Variants in UNC5D observed in about 807,000 individuals in gnomAD.
The protein encoded by UNC5D is netrin receptor UNC5D.
In UNC5D, 39 loss-of-function variants were observed where a neutral mutation model predicts 105.4. The observed-to-expected ratio is 0.37, with a 90% confidence interval of 0.29 to 0.48. The LOEUF is 0.48. Ranked by LOEUF, UNC5D falls within the 20% of genes least tolerant of loss-of-function variation. The probability of loss-of-function intolerance (pLI) is 0.98; values close to 1 mark genes in which losing one functional copy is unlikely to be tolerated. For synonymous variants in UNC5D, 452 were observed against 450.4 expected (o/e 1.00, Z -0.04); for missense variants, 991 against 1,202.4 (o/e 0.82, Z 2.60).
At position 35,405,430 on chromosome 8, in the gene UNC5D, C is replaced by A. The variant is rs564531275; in HGVS notation, c.104-143862C>A. Among the ~76,000 whole-genome samples, 3 of 152,234 alleles carry A rather than the reference C, an allele frequency of 2.0e-5. No individual in the cohort carries two copies. In the South Asian group the frequency reaches 6.2e-4, roughly 32 times the overall value. The stretch of plus-strand genomic sequence containing the variant: ...TGGATTTAAGCTGAGCCTATGATGC[C>A]CATATTACCTTGTGCCAGATTTTGA... On this transcript the variant is annotated intron_variant, in intron 1 of 16. Coordinates refer to ENST00000404895, the MANE Select transcript of UNC5D (RefSeq NM_080872.4).
chr8:35,327,052 A>G (rs1810221151), intron 1 of UNC5D, among the ~76,000 whole-genome samples: 1 of 152,102 alleles, frequency 6.6e-6, no homozygotes. Context: ...AATTAGTGGA[A>G]ATGGTCAGAT....
intron 3 of UNC5D, among the ~76,000 whole-genome samples, chr8:35,571,930 C>T (rs909456677): frequency 1.3e-5 from 2 of 152,218 alleles, no homozygotes; most frequent in South Asian, 4.1e-4. Flanking sequence ...TGTTGGAGTT[C>T]ACCATCAGAG....
intron 1 of UNC5D, among the ~76,000 whole-genome samples, chr8:35,533,998 A>C (rs1178317162): frequency 1.3e-5 from 2 of 149,982 alleles, no homozygotes; most frequent in African/African-American, 4.9e-5. Flanking sequence ...TGTAGAAATC[A>C]CCCGTCTTCT....
rs150894601 is a variant in UNC5D, at chr8:35,473,302, G to T, written c.104-75990G>T. ...AGTTAAAAAAGGCTATTGCAAATTA[G>T]CGAACTCAGATTTACTCTAGAAGAT... On this transcript the variant is annotated intron_variant, in intron 1 of 16. Coordinates refer to ENST00000404895, the MANE Select transcript of UNC5D (RefSeq NM_080872.4). Among the ~76,000 whole-genome samples, 347 of 152,268 alleles carry T rather than the reference G, an allele frequency of 2.3e-3. 7 individuals are homozygous for T. The highest frequency in any genetic ancestry group is 0.012 in the Admixed American group (178 of 15,286).
At chr8:35,428,690 T>C (rs1049224042) in intron 1 of UNC5D, among the ~76,000 whole-genome samples, 1 of 152,168 alleles carries the variant, frequency 6.6e-6, no homozygotes, top group Non-Finnish European at 1.5e-5. Flanking sequence ...GTGAAGCTGG[T>C]GTTGAACCCT....
chr8:35,653,906 A>G lies in UNC5D; in HGVS notation c.571-29641A>G, dbSNP rs927348244. Among the ~76,000 whole-genome samples, 7 of 152,258 alleles carry G rather than the reference A, an allele frequency of 4.6e-5. No individual in the cohort carries two copies. In the East Asian group the frequency reaches 1.4e-3, roughly 29 times the overall value. On this transcript the variant is annotated intron_variant, in intron 4 of 16. Transcript: ENST00000404895. Reference sequence around the variant, plus strand: ...AAATCTGATACTTTGTTGTCTCTGCACATTCCTATTCATAAGACTTATTTC... The same window carrying G: ...AAATCTGATACTTTGTTGTCTCTGCGCATTCCTATTCATAAGACTTATTTC...
At chr8:35,513,329 A>C (rs1486874149) in intron 1 of UNC5D, among the ~76,000 whole-genome samples, 1 of 151,036 alleles carries the variant, frequency 6.6e-6, no homozygotes, top group Non-Finnish European at 1.5e-5. Context: ...CCCAGGTTCA[A>C]GTGATTCTCC....
chr8:35,261,534 G>T (rs187417137), intron 1 of UNC5D, among the ~76,000 whole-genome samples: 2 of 151,976 alleles, frequency 1.3e-5, no homozygotes, highest in East Asian at 3.9e-4. Flanking sequence ...GCTAGAGCCA[G>T]CCAGAGCTAT....
chr8:35,435,145 A>G (rs1311786397), intron 1 of UNC5D, among the ~76,000 whole-genome samples: 1 of 152,122 alleles, frequency 6.6e-6, no homozygotes, highest in Non-Finnish European at 1.5e-5. Context: ...GGGGTTTATC[A>G]AAATTACTGT....
In UNC5D at chr8:35,335,794, C is replaced by T. The variant is rs1397152247; in HGVS notation, c.103+99907C>T. ...TTTTTTTTTTTTTGAGACGGAGTGT[C>T]GCTCTGTCGCCCAGGCTGGAGTGCA... is the stretch of plus-strand genomic sequence containing the variant. On this transcript the variant is annotated intron_variant, in intron 1 of 16. Transcript: ENST00000404895. Among the ~76,000 whole-genome samples, 11 of 107,872 alleles carry T rather than the reference C, an allele frequency of 1.0e-4. 1 individual carries two copies. Among genetic ancestry groups the T allele is most frequent in the East Asian group, 5.1e-4 (2 of 3,916 alleles). The allele number at this position is 107,872 out of a possible 152,430, so 70.8% of individuals were successfully genotyped here. A position where few individuals can be genotyped will look rare whatever the true frequency, so the allele number is the denominator to read the frequency against.
chr8:35,525,870 G>C (rs552915544), intron 1 of UNC5D: 2 of 1,211,136 alleles, frequency 1.7e-6, no homozygotes, highest in Non-Finnish European at 2.3e-6. Context: ...ATCCAGTTTA[G>C]CTATTAAAAA....
chr8:35,505,798 T>G (rs1812272114), intron 1 of UNC5D, among the ~76,000 whole-genome samples: 2 of 152,208 alleles, frequency 1.3e-5, no homozygotes, highest in South Asian at 4.1e-4. Context: ...GGAAAGTGAT[T>G]TTGCACAGTG....
chr8:35,363,589 T>C (rs950762085), intron 1 of UNC5D, among the ~76,000 whole-genome samples: 1 of 152,164 alleles, frequency 6.6e-6, no homozygotes, highest in African/African-American at 2.4e-5. Context: ...AGATATGATG[T>C]TGTGGCCTTC....
At chr8:35,578,240 A>G (rs183756786) in intron 3 of UNC5D, among the ~76,000 whole-genome samples, 1,645 of 146,310 alleles carry the variant, frequency 0.011, 53 homozygotes, top group African/African-American at 0.041. Flanking sequence ...AAAAAAAAAA[A>G]AAAGAAAGAA....
At chr8:35,779,175 G>C (rs866966930) in intron 16 of UNC5D, among the ~76,000 whole-genome samples, 1 of 152,216 alleles carries the variant, frequency 6.6e-6, no homozygotes, top group African/African-American at 2.4e-5. Context: ...GGCCACCTGT[G>C]ATTGGTAGCT....
chr8:35,609,883 G>A (rs1031452852), intron 4 of UNC5D, among the ~76,000 whole-genome samples: 1 of 152,142 alleles, frequency 6.6e-6, no homozygotes, highest in Non-Finnish European at 1.5e-5. Context: ...TGGAATAGGT[G>A]GTTTCCTACT....
At chr8:35,422,032 G>A (rs1378939354) in intron 1 of UNC5D, among the ~76,000 whole-genome samples, 3 of 152,092 alleles carry the variant, frequency 2.0e-5, no homozygotes, top group African/African-American at 4.8e-5. Context: ...TTACATTTTG[G>A]CTTTTTTAAC....
chr8:35,251,426 G>C (rs1371896149), intron 1 of UNC5D, among the ~76,000 whole-genome samples: 1 of 152,104 alleles, frequency 6.6e-6, no homozygotes, highest in Admixed American at 6.5e-5. Flanking sequence ...CAACACGTGG[G>C]GATTATGGGA....
At chr8:35,486,649 G>C (rs779413796) in intron 1 of UNC5D, among the ~76,000 whole-genome samples, 12 of 152,096 alleles carry the variant, frequency 7.9e-5, no homozygotes, top group Non-Finnish European at 1.8e-4. Context: ...GAGGGAACCA[G>C]GTAAGGAAAT....
Sources: allele counts gnomAD v4.1 joint callset (sites outside exome capture counted in the v4.1 genomes callset), GRCh38; gene constraint gnomAD v4.1.1; transcripts MANE v1.5; gene names NCBI Gene and HGNC (gene_info 2026-07-23, HGNC 2026-07-21).